Variants in SLC14A2 observed in about 807,000 individuals in gnomAD.
SLC14A2 encodes urea transporter 2.
SLC14A2 carries 91 observed loss-of-function variants against 104.6 expected under a neutral mutation model. That is an observed-to-expected ratio of 0.87 (90% confidence interval 0.73 to 1.04). SLC14A2 has a LOEUF of 1.04. SLC14A2 is among the 50% of genes least tolerant of loss of function. The pLI is 0.00. For missense variants in SLC14A2, 1,189 were observed against 1,156.0 expected (o/e 1.03, Z -0.41); for synonymous variants, 476 against 466.4 (o/e 1.02, Z -0.27).
intron 1 of SLC14A2, among the ~76,000 whole-genome samples, chr18:45,346,334 T>C (rs1404586453): frequency 6.6e-6 from 1 of 152,182 alleles, no homozygotes; most frequent in Non-Finnish European, 1.5e-5. Context: ...TTTTGGTATT[T>C]TTAGTAGAGA....
At chr18:45,268,653 C>A (rs917554489) in intron 1 of SLC14A2, among the ~76,000 whole-genome samples, 1 of 152,176 alleles carries the variant, frequency 6.6e-6, no homozygotes, top group Admixed American at 6.5e-5. Flanking sequence ...CAATTATGAA[C>A]AGCTATGGTC....
At chr18:45,202,560 G>C in the SLC14A2 span, among the ~76,000 whole-genome samples, 1 of 152,154 alleles carries the variant, frequency 6.6e-6, no homozygotes, top group Admixed American at 6.5e-5. Flanking sequence ...TCATAGCAAA[G>C]AGGAGGAGAA....
chr18:45,591,020 C>A (rs1229580605), intron 2 of SLC14A2, among the ~76,000 whole-genome samples: 2 of 152,146 alleles, frequency 1.3e-5, no homozygotes, highest in Non-Finnish European at 2.9e-5. Context: ...TCTGAACTCT[C>A]AAATTGCCAC....
intron 1 of SLC14A2, among the ~76,000 whole-genome samples, chr18:45,379,398 T>C (rs1371695315): frequency 6.6e-6 from 1 of 152,198 alleles, no homozygotes; most frequent in East Asian, 1.9e-4. Flanking sequence ...GCCTTTCCCA[T>C]GTCTGAAGAC....
At chr18:45,561,881 T>A (rs2044205037) in intron 2 of SLC14A2, among the ~76,000 whole-genome samples, 1 of 151,272 alleles carries the variant, frequency 6.6e-6, no homozygotes, top group Non-Finnish European at 1.5e-5. Flanking sequence ...TATTTGGGGA[T>A]CTATATAGAT....
upstream of SLC14A2, among the ~76,000 whole-genome samples, chr18:45,611,630 A>T (rs762583866): frequency 4.1e-4 from 63 of 152,186 alleles, no homozygotes; most frequent in Admixed American, 2.6e-3. Flanking sequence ...AGAATTAAGG[A>T]CTCACATGCC....
chr18:45,616,472 C>T (rs759672186), intron 1 of SLC14A2, among the ~76,000 whole-genome samples: 88 of 152,138 alleles, frequency 5.8e-4, no homozygotes, highest in Non-Finnish European at 9.7e-4. Context: ...GTTTCAGGAG[C>T]GAAGCACTCA....
At chr18:45,367,357 C>T (rs772509964) in intron 1 of SLC14A2, among the ~76,000 whole-genome samples, 7 of 152,132 alleles carry the variant, frequency 4.6e-5, no homozygotes, top group Non-Finnish European at 1.0e-4. Flanking sequence ...GCGTCCTTGC[C>T]TCCTTATATC....
intron 1 of SLC14A2, among the ~76,000 whole-genome samples, chr18:45,475,642 GATATATATATATATATATAT>G (rs137928157): frequency 0.022 from 1,073 of 49,210 alleles, 21 homozygotes; most frequent in Middle Eastern, 0.11. Flanking sequence ...ATATATTTAG[GATATATATATATATATATAT>G]ATATATATAT....
chr18:45,414,848 C>G (rs12967462), intron 1 of SLC14A2, among the ~76,000 whole-genome samples: 45,533 of 138,980 alleles, frequency 0.33, 7,972 homozygotes, highest in Middle Eastern at 0.41. Flanking sequence ...AGGCAAGTAA[C>G]TTTTGTAATT....
chr18:45,384,466 C>T (rs1266273384), intron 1 of SLC14A2, among the ~76,000 whole-genome samples: 2 of 152,260 alleles, frequency 1.3e-5, no homozygotes, highest in South Asian at 2.1e-4. Flanking sequence ...ATAAGCCCAC[C>T]CACCTCATAA....
intron 2 of SLC14A2, among the ~76,000 whole-genome samples, chr18:45,492,871 C>T (rs2043026321): frequency 6.6e-6 from 1 of 152,214 alleles, no homozygotes; most frequent in Admixed American, 6.5e-5. Context: ...TCACCTTGTT[C>T]ATTGCTTCAA....
At chr18:45,182,494 T>C in the SLC14A2 span, among the ~76,000 whole-genome samples, 1 of 151,884 alleles carries the variant, frequency 6.6e-6, no homozygotes, top group Non-Finnish European at 1.5e-5. Context: ...ATAATTCTCA[T>C]GTTTTACCAG....
At chr18:45,202,875 A>G in the SLC14A2 span, among the ~76,000 whole-genome samples, 1 of 152,170 alleles carries the variant, frequency 6.6e-6, no homozygotes, top group Admixed American at 6.5e-5. Flanking sequence ...CTCAAAGACA[A>G]TAAGATTTGT....
intron 1 of SLC14A2, among the ~76,000 whole-genome samples, chr18:45,319,819 G>A (rs368039823): frequency 6.6e-6 from 1 of 152,218 alleles, no homozygotes. Flanking sequence ...AATGGCTTCA[G>A]TAGGGTATAT....
At chr18:45,351,286 G>C (rs2085500926) in intron 1 of SLC14A2, among the ~76,000 whole-genome samples, 1 of 151,932 alleles carries the variant, frequency 6.6e-6, no homozygotes, top group Non-Finnish European at 1.5e-5. Flanking sequence ...ATCCTTCCTG[G>C]GTCTCCAACC....
Position 45,596,995 on chromosome 18 carries a change from T to C in SLC14A2, c.-34-27636T>C, listed in dbSNP as rs552251481. Among the ~76,000 whole-genome samples, 3 of 152,342 alleles carry C rather than the reference T, an allele frequency of 2.0e-5. No individual in the cohort carries two copies. In the South Asian group the frequency reaches 6.2e-4, roughly 32 times the overall value. The stretch of plus-strand genomic sequence containing the variant: ...TAGAAATGGCCTTTGGGCCATCTAT[T>C]AACCAATCCCATCAAAACCTCAGAC... On this transcript the variant is annotated intron_variant, in intron 2 of 20. Transcript: ENST00000586448.
In SLC14A2 at chr18:45,636,754, A is replaced by C. The variant is rs186889649; in HGVS notation, c.651-236A>C. On this transcript the variant is annotated intron_variant, in intron 5 of 19. Transcript: ENST00000255226. The stretch of plus-strand genomic sequence containing the variant: ...TTTAAAATTTGTTTCTCAGAGGTGT[A>C]AGCTTATGAAGCAGATGACAATAAA... Among the ~76,000 whole-genome samples the C allele has an allele frequency of 2.6e-5, 4 of 152,316 alleles. No individual in the cohort carries two copies. In the East Asian group the frequency reaches 7.7e-4, roughly 29 times the overall value.
chr18:45,449,327 A>G (rs1267008647), intron 1 of SLC14A2, among the ~76,000 whole-genome samples: 3 of 152,142 alleles, frequency 2.0e-5, no homozygotes, highest in Non-Finnish European at 2.9e-5. Flanking sequence ...TTCTTCACCT[A>G]TGAGAATCTC....
Sources: gnomAD v4.1 joint callset for allele counts (sites outside exome capture counted in the v4.1 genomes callset) on GRCh38, gnomAD v4.1.1 for gene constraint, MANE v1.5 for transcripts, NCBI Gene and HGNC (gene_info 2026-07-23, HGNC 2026-07-21) for gene names.